MYO5B: variants seen among roughly 807,000 people sequenced by gnomAD.
MYO5B encodes the protein unconventional myosin-Vb.
In MYO5B, 143 loss-of-function variants were observed where a neutral mutation model predicts 229.3. The ratio of observed to expected loss-of-function variants is 0.62; its 90% CI spans 0.54 to 0.72. The LOEUF (loss-of-function observed/expected upper bound fraction) is 0.72, where lower values mean the gene tolerates loss of function less well. Among genes scored for constraint, MYO5B ranks in the 30% least tolerant of loss-of-function variants. MYO5B has a pLI of 0.00. For missense variants in MYO5B, 2,321 were observed against 2,331.0 expected (o/e 1.00, Z 0.09); for synonymous variants, 918 against 885.2 (o/e 1.04, Z -0.66).
At chr18:50,109,378 C>T (rs544384146) in intron 1 of MYO5B, among the ~76,000 whole-genome samples, 23 of 151,978 alleles carry the variant, frequency 1.5e-4, no homozygotes, top group Non-Finnish European at 2.9e-4. Context: ...CATGCTCTGT[C>T]ACCAACTTGT....
chr18:49,948,636 T>A (rs761884489), intron 14 of MYO5B, among the ~76,000 whole-genome samples: 4 of 152,188 alleles, frequency 2.6e-5, no homozygotes, highest in Non-Finnish European at 5.9e-5. Flanking sequence ...AAAGTAAACA[T>A]AAGATTTTTA....
intron 2 of MYO5B, among the ~76,000 whole-genome samples, chr18:50,054,976 G>A (rs746653689): frequency 1.3e-5 from 2 of 152,056 alleles, no homozygotes; most frequent in African/African-American, 2.4e-5. Flanking sequence ...TCCCAGTGAG[G>A]TCTCAACCTC....
chr18:50,143,681 A>C lies in MYO5B; in HGVS notation c.27+51086T>G, dbSNP rs560094641. 5.2e-5 allele frequency among the ~76,000 whole-genome samples: 8 copies of C among 152,384 alleles called. No homozygotes were observed. The South Asian group carries it at 1.7e-3, about 32-fold the overall frequency. ...ACTACAGGTAGAAGGAATAGAAGGCAGGCATTTGTTAAGGAAAAAAATATC... is the reference window on the plus strand; with the variant it reads ...ACTACAGGTAGAAGGAATAGAAGGCCGGCATTTGTTAAGGAAAAAAATATC... On this transcript the variant is annotated intron_variant, in intron 1 of 39. Transcript: ENST00000285039.
At chr18:50,046,533 G>T (rs1308240803) in intron 2 of MYO5B, among the ~76,000 whole-genome samples, 1 of 152,136 alleles carries the variant, frequency 6.6e-6, no homozygotes, top group Non-Finnish European at 1.5e-5. Context: ...CATGGATGCA[G>T]GGGTTTTCTC....
intron 22 of MYO5B, among the ~76,000 whole-genome samples, chr18:49,885,912 G>A (rs2144116441): frequency 6.6e-6 from 1 of 152,226 alleles, no homozygotes; most frequent in South Asian, 2.1e-4. Context: ...ATACTATTAA[G>A]GGCTTGCAAA....
At chr18:50,083,001 C>T (rs78441534) in intron 1 of MYO5B, among the ~76,000 whole-genome samples, 5,775 of 152,318 alleles carry the variant, frequency 0.038, 361 homozygotes, top group African/African-American at 0.13. Context: ...ACTGCCAGTG[C>T]CAAGTCTAAG....
intron 1 of MYO5B, among the ~76,000 whole-genome samples, chr18:50,151,749 G>A (rs1228672295): frequency 6.6e-6 from 1 of 152,024 alleles, no homozygotes; most frequent in South Asian, 2.1e-4. Context: ...AGAGAATTCT[G>A]TTTTGGCTCC....
At chr18:50,152,320 G>A (rs1436115305) in intron 1 of MYO5B, among the ~76,000 whole-genome samples, 2 of 152,182 alleles carry the variant, frequency 1.3e-5, no homozygotes, top group African/African-American at 2.4e-5. Context: ...AACCCACAAC[G>A]AGGGCACTCC....
intron 1 of MYO5B, among the ~76,000 whole-genome samples, chr18:50,173,723 T>C (rs1332175099): frequency 6.6e-6 from 1 of 152,130 alleles, no homozygotes; most frequent in Non-Finnish European, 1.5e-5. Context: ...ATCATGCCTC[T>C]TACTGGGATG....
At chr18:49,978,364 A>G (rs1000897690) in intron 9 of MYO5B, among the ~76,000 whole-genome samples, 6 of 152,106 alleles carry the variant, frequency 3.9e-5, no homozygotes, top group African/African-American at 1.4e-4. Flanking sequence ...AGGGTCAACT[A>G]TAAGATCAGA....
At chr18:49,897,998 G>T (rs951077168) in intron 21 of MYO5B, among the ~76,000 whole-genome samples, 1 of 152,122 alleles carries the variant, frequency 6.6e-6, no homozygotes, top group African/African-American at 2.4e-5. Flanking sequence ...GTTTAGATAC[G>T]TTTAGATACA....
At chr18:49,865,525 G>A (rs562553809) in intron 27 of MYO5B, among the ~76,000 whole-genome samples, 33 of 152,316 alleles carry the variant, frequency 2.2e-4, no homozygotes, top group Non-Finnish European at 3.8e-4. Context: ...GGCAGCCAAG[G>A]CCATCCTCAG....
At chr18:49,886,822 C>T (rs949022605) in intron 22 of MYO5B, among the ~76,000 whole-genome samples, 1 of 152,072 alleles carries the variant, frequency 6.6e-6, no homozygotes, top group Admixed American at 6.6e-5. Context: ...GTTCTGGCCC[C>T]TAGTATGACA....
chr18:50,083,817 A>C (rs552106286), intron 1 of MYO5B, among the ~76,000 whole-genome samples: 2 of 152,274 alleles, frequency 1.3e-5, no homozygotes, highest in African/African-American at 4.8e-5. Flanking sequence ...TACCCAAGAT[A>C]ACCAGGGATC....
intron 1 of MYO5B, among the ~76,000 whole-genome samples, chr18:50,089,373 G>A (rs193240403): frequency 2.3e-3 from 350 of 151,938 alleles, no homozygotes; most frequent in Admixed American, 3.7e-3. Context: ...GCAAGACTCC[G>A]TCTCAAAAAA....
intron 17 of MYO5B, among the ~76,000 whole-genome samples, chr18:49,914,550 C>A (rs1025256717): frequency 6.6e-6 from 1 of 151,964 alleles, no homozygotes; most frequent in African/African-American, 2.4e-5. Flanking sequence ...GAGACTGAGG[C>A]GGGTGGATCA....
intron 12 of MYO5B, 94 bp downstream of exon 12, chr18:49,962,172 A>G (rs1480055565): frequency 6.5e-7 from 1 of 1,540,978 alleles, no homozygotes; most frequent in Non-Finnish European, 9.0e-7. Flanking sequence ...AGGCCAGCTG[A>G]TCACAGATGA....
intron 9 of MYO5B, 24 bp from the exon 10 acceptor site, chr18:49,974,639 T>C (rs770521820): frequency 6.2e-7 from 1 of 1,609,240 alleles, no homozygotes. Flanking sequence ...GGGAGATAGG[T>C]TCAGGAGGAG....
At chr18:50,130,151 C>T (rs2042581473) in intron 1 of MYO5B, among the ~76,000 whole-genome samples, 1 of 152,220 alleles carries the variant, frequency 6.6e-6, no homozygotes, top group Admixed American at 6.5e-5. Flanking sequence ...CTGGAATCAG[C>T]TGTCAGCTAC....
Sources: gnomAD v4.1 joint callset for allele counts (sites outside exome capture counted in the v4.1 genomes callset) on GRCh38, gnomAD v4.1.1 for gene constraint, MANE v1.5 for transcripts, NCBI Gene and HGNC (gene_info 2026-07-23, HGNC 2026-07-21) for gene names.